FARP2: variants seen among roughly 807,000 people sequenced by gnomAD.
FARP2 encodes the protein FERM, ARHGEF and pleckstrin domain-containing protein 2.
FARP2 carries 111 observed loss-of-function variants against 130.5 expected under a neutral mutation model. The observed-to-expected ratio is 0.85, with a 90% CI of 0.73 to 1.00. The LOEUF (loss-of-function observed/expected upper bound fraction) is 1.00. Among genes scored for constraint, FARP2 ranks in the 50% least tolerant of loss-of-function variants. FARP2 has a pLI of 0.00. For synonymous variants in FARP2, 504 were observed against 516.9 expected, an observed-to-expected ratio of 0.98 and a Z score of 0.34; for missense variants, 1,385 against 1,346.3, an observed-to-expected ratio of 1.03 and a Z score of -0.45.
intron 13 of FARP2, among the ~76,000 whole-genome samples, chr2:241,447,304 C>T (rs2063534549): frequency 6.6e-6 from 1 of 152,188 alleles, no homozygotes; most frequent in African/African-American, 2.4e-5. Flanking sequence ...GGAACAGGCA[C>T]CATGACTCTT....
intron 17 of FARP2, chr2:241,466,697 C>CT (rs1453530967): frequency 4.4e-6 from 3 of 676,556 alleles, no homozygotes; most frequent in Non-Finnish European, 5.4e-6. Flanking sequence ...CCACCCCCCC[C>CT]CCCACCACCA....
intron 8 of FARP2, among the ~76,000 whole-genome samples, chr2:241,429,100 G>A (rs926111496): frequency 1.2e-4 from 19 of 152,310 alleles, no homozygotes; most frequent in African/African-American, 3.1e-4. Flanking sequence ...AACATCAAAC[G>A]TATAGTCGCT....
At chr2:241,446,116 C>A (rs1243738336) in intron 13 of FARP2, 1 of 152,168 alleles carries the variant, frequency 6.6e-6, no homozygotes, top group African/African-American at 2.4e-5. Context: ...ATAAATATTT[C>A]AAGTCTAACA....
intron 12 of FARP2, among the ~76,000 whole-genome samples, chr2:241,439,864 C>G (rs1215790460): frequency 6.6e-6 from 1 of 151,958 alleles, no homozygotes; most frequent in Non-Finnish European, 1.5e-5. Flanking sequence ...AGGCTGAGAC[C>G]GGAGAATTGC....
chr2:241,458,936 G>C (rs957306152), intron 14 of FARP2, among the ~76,000 whole-genome samples: 4 of 152,260 alleles, frequency 2.6e-5, no homozygotes, highest in African/African-American at 7.2e-5. Context: ...TGCCCTTGAG[G>C]AGTTGGTGGC....
At chr2:241,408,046 T>A (rs1237125770) in intron 5 of FARP2, among the ~76,000 whole-genome samples, 1 of 152,164 alleles carries the variant, frequency 6.6e-6, no homozygotes, top group African/African-American at 2.4e-5. Context: ...GTGCTACTAT[T>A]TTGAATTAAA....
chr2:241,360,141 A>G (rs530940652), intron 1 of FARP2, among the ~76,000 whole-genome samples: 91 of 152,242 alleles, frequency 6.0e-4, no homozygotes, highest in Admixed American at 3.3e-3. Flanking sequence ...ATAGGGGGGA[A>G]TTTTTCTCTC....
rs2063097264 is a variant in FARP2, at chr2:241,431,759, T to A, written c.852T>A (p.Leu284=). 6.7e-7 allele frequency: 1 copy of A among 1,498,032 alleles called. No individual in the cohort carries two copies. Among genetic ancestry groups the A allele is most frequent in the Non-Finnish European group, 9.3e-7 (1 of 1,078,896 alleles). 92.8% of individuals were successfully genotyped at this position (1,498,032 alleles called of 1,614,324 possible). The change falls in exon 9 of 27, where the codon CTT becomes CTA. Residue 284 remains leucine, a synonymous_variant. Transcript: ENST00000264042. ...AGAGGAAAAGATTTCTTATCAAACTTCATCCAGAGGTTCATGTAAGTATTA... is the reference window on the plus strand; with the variant it reads ...AGAGGAAAAGATTTCTTATCAAACTACATCCAGAGGTTCATGTAAGTATTA... The part of the protein sequence containing the change: ...SFKRKRFLIK[L]HPEVHGPYQD...
At chr2:241,397,904 A>T (rs191714615) in intron 2 of FARP2, among the ~76,000 whole-genome samples, 1 of 138,682 alleles carries the variant, frequency 7.2e-6, no homozygotes, top group East Asian at 2.1e-4. Context: ...ATCTTGGCTC[A>T]CTGCAACCTC....
Position 241,426,228 on chromosome 2 carries a change from C to T in FARP2, c.772-5451C>T, listed in dbSNP as rs73116390. 8.7e-3 allele frequency among the ~76,000 whole-genome samples: 1,324 copies of T among 152,218 alleles called. 22 individuals carry two copies. Among genetic ancestry groups the T allele is most frequent in the African/African-American group, 0.03 (1,266 of 41,524 alleles). Reference sequence around the variant, plus strand: ...CGGGAGAGAGGGTAGACCAGGGACTCATTTCTTTTGCTGGACGGTGTGGAA... The same window carrying T: ...CGGGAGAGAGGGTAGACCAGGGACTTATTTCTTTTGCTGGACGGTGTGGAA... On this transcript the variant is annotated intron_variant, in intron 8 of 26. Coordinates refer to ENST00000264042, the MANE Select transcript of FARP2 (RefSeq NM_014808.4).
intron 13 of FARP2, among the ~76,000 whole-genome samples, chr2:241,448,364 G>C (rs1040868689): frequency 1.3e-5 from 2 of 152,248 alleles, no homozygotes; most frequent in African/African-American, 4.8e-5. Context: ...GACTGATTTA[G>C]ATGGTAAAAA....
chr2:241,375,144 A>G (rs2061506498), intron 2 of FARP2, among the ~76,000 whole-genome samples: 1 of 151,890 alleles, frequency 6.6e-6, no homozygotes, highest in South Asian at 2.1e-4. Flanking sequence ...GTAGAGACGG[A>G]GTTTCACCAT....
chr2:241,493,785 C>T, intron 26 of FARP2: 1 of 485,314 alleles, frequency 2.1e-6, no homozygotes, highest in South Asian at 3.5e-5. Context: ...TTAGTAGAGA[C>T]AGGGTTTCAC....
In FARP2 at chr2:241,459,668, G is replaced by A. The variant is rs1376178362; in HGVS notation, c.1587+2746G>A. On this transcript the variant is annotated intron_variant, in intron 14 of 26. Coordinates refer to ENST00000264042, the MANE Select transcript of FARP2 (RefSeq NM_014808.4). The surrounding 1 kb of genome is among the most constrained non-coding windows in gnomAD (Gnocchi z 5.3). The stretch of plus-strand genomic sequence containing the variant: ...CTCACAGGAATTGCATGCTCCTCTG[G>A]GCCTATCCCTGGCCGCCGTCTCATC... 6.6e-6 allele frequency among the ~76,000 whole-genome samples: 1 copy of A among 152,170 alleles called. No homozygotes were observed. Among genetic ancestry groups the A allele is most frequent in the African/African-American group, 2.4e-5 (1 of 41,444 alleles).
chr2:241,435,635 C>G (rs1050462864), intron 11 of FARP2, among the ~76,000 whole-genome samples: 3 of 151,376 alleles, frequency 2.0e-5, no homozygotes, highest in Non-Finnish European at 2.9e-5. Flanking sequence ...CCTCAGCCTC[C>G]CGAGTAGCTG....
At chr2:241,368,017 G>T (rs2061351569) in intron 1 of FARP2, among the ~76,000 whole-genome samples, 1 of 151,770 alleles carries the variant, frequency 6.6e-6, no homozygotes, top group Non-Finnish European at 1.5e-5. Context: ...TCACTAGAGT[G>T]GTCCATTTGT....
intron 7 of FARP2, among the ~76,000 whole-genome samples, chr2:241,416,648 C>T (rs1279693016): frequency 1.3e-5 from 2 of 152,166 alleles, no homozygotes; most frequent in East Asian, 1.9e-4. Flanking sequence ...AGAGAAAAGT[C>T]GGGCACAGTG....
chr2:241,468,540 G>A (rs982297790), intron 18 of FARP2, among the ~76,000 whole-genome samples, 163 bp downstream of exon 18: 4 of 152,226 alleles, frequency 2.6e-5, no homozygotes, highest in Non-Finnish European at 2.9e-5. Flanking sequence ...CTTCCTTCCC[G>A]TCTCCTCTGG....
Position 241,494,086 on chromosome 2 carries a change from C to T in FARP2, c.3126C>T (p.Ser1042=). 2 of 1,459,824 alleles carry T rather than the reference C, an allele frequency of 1.4e-6. No individual in the cohort carries two copies. Among genetic ancestry groups the T allele is most frequent in the African/African-American group, 1.5e-5 (1 of 67,570 alleles). 90.4% of individuals were successfully genotyped at this position (1,459,824 alleles called of 1,614,324 possible). A position where few individuals can be genotyped will look rare whatever the true frequency, so the allele number is the denominator to read the frequency against. ...TCGTGCAGGATGGCCCCCAACCCTC[C>T]TCAGGGCTGGAGGGGATGGTCAGGG... ...PSIVQDGPQP[S]SGLEGMVRGK... is the part of the protein sequence containing the mutation. The change falls in exon 27 of 27, where the codon TCC becomes TCT. Residue 1042 remains serine (S), a synonymous_variant. Coordinates refer to ENST00000264042, the MANE Select transcript of FARP2 (RefSeq NM_014808.4). This position sits in a 1 kb window ranked among gnomAD's most constrained non-coding sequence, Gnocchi z 4.9.
Sources: allele counts gnomAD v4.1 joint callset (sites outside exome capture counted in the v4.1 genomes callset), GRCh38; gene constraint gnomAD v4.1.1; non-coding constraint Gnocchi (gnomAD v3.1); transcripts MANE v1.5; gene names NCBI Gene and HGNC (gene_info 2026-07-23, HGNC 2026-07-21).